Variants in CACNA2D2 observed in about 807,000 individuals in gnomAD.
CACNA2D2 encodes the protein calcium voltage-gated channel auxiliary subunit alpha2delta 2.
In CACNA2D2, 48 loss-of-function variants were observed where a neutral mutation model predicts 166.4. The observed-to-expected ratio is 0.29, with a 90% CI of 0.23 to 0.37. The LOEUF (loss-of-function observed/expected upper bound fraction) is 0.37, where lower values mean the gene tolerates loss of function less well. CACNA2D2 is among the 10% of genes least tolerant of loss of function. The pLI is 1.00. For missense variants in CACNA2D2, 1,122 were observed against 1,433.0 expected (o/e 0.78, Z 3.50); for synonymous variants, 561 against 573.7 (o/e 0.98, Z 0.32).
chr3:50,500,747 A>G (rs1381034286), intron 1 of CACNA2D2, among the ~76,000 whole-genome samples: 2 of 62,780 alleles, frequency 3.2e-5, no homozygotes, highest in Non-Finnish European at 6.1e-5. Context: ...AGACAGCCCA[A>G]CCCCCCCACC....
At position 50,434,325 on chromosome 3, in the gene CACNA2D2, C is replaced by A; in HGVS notation, c.393G>T (p.Val131=). The A allele has an allele frequency of 6.2e-7, 1 of 1,612,700 alleles. No homozygotes were observed. The highest frequency in any genetic ancestry group is 8.5e-7 in the Non-Finnish European group (1 of 1,178,704). Residue 131 remains valine (V), a synonymous_variant, in exon 3 of 38, where the codon GTG becomes GTT. Transcript: ENST00000424201. ...GDIESLLDRK[V]QALKRLADAA... ...AACACACACCTACCTTCAGGGCCTG[C>A]ACCTTCCTGTCCAGAAGGCTCTCAA...
At chr3:50,382,292 A>C (rs1238554682) in intron 6 of CACNA2D2, among the ~76,000 whole-genome samples, 1 of 152,092 alleles carries the variant, frequency 6.6e-6, no homozygotes, top group Non-Finnish European at 1.5e-5. Flanking sequence ...GAGCCCAGCC[A>C]CCGTCACCCC....
At chr3:50,371,923 C>T (rs1704672279) in intron 22 of CACNA2D2, among the ~76,000 whole-genome samples, 2 of 152,026 alleles carry the variant, frequency 1.3e-5, no homozygotes, top group African/African-American at 2.4e-5. Flanking sequence ...GAGTAGGGCA[C>T]ATCCCCCACC....
intron 1 of CACNA2D2, among the ~76,000 whole-genome samples, chr3:50,487,127 C>G (rs12494849): frequency 0.29 from 44,613 of 152,158 alleles, 9,286 homozygotes; most frequent in East Asian, 0.62. Flanking sequence ...TGCTGAACCA[C>G]AATCTGAACC....
chr3:50,442,176 G>C (rs1161571384), intron 2 of CACNA2D2, among the ~76,000 whole-genome samples: 1 of 152,200 alleles, frequency 6.6e-6, no homozygotes, highest in African/African-American at 2.4e-5. Context: ...GAGTGAGAAA[G>C]AATCAAATGA....
intron 3 of CACNA2D2, among the ~76,000 whole-genome samples, chr3:50,418,230 G>C (rs546068528): frequency 6.6e-6 from 1 of 152,284 alleles, no homozygotes; most frequent in African/African-American, 2.4e-5. Flanking sequence ...CACACAGTAG[G>C]TGCTCAACAT....
rs1458163781 is a variant in CACNA2D2 at position 50,367,633 on chromosome 3, G to A, written c.2297+9C>T. The A allele has an allele frequency of 1.9e-6, 3 of 1,611,432 alleles. No homozygotes were observed. Among genetic ancestry groups the A allele is most frequent in the Admixed American group, 1.7e-5 (1 of 59,956 alleles). ...GGGCAGGGTTTGGGTAGTGGGATAGGTCACTTACTTGTTGGGGAAGACTCG... is the reference window on the plus strand; with the variant it reads ...GGGCAGGGTTTGGGTAGTGGGATAGATCACTTACTTGTTGGGGAAGACTCG... On this transcript the variant is annotated intron_variant, in intron 26 of 37. Coordinates refer to ENST00000424201, the MANE Select transcript of CACNA2D2 (RefSeq NM_006030.4). The surrounding 1 kb of genome is among the most constrained non-coding windows in gnomAD (Gnocchi z 6.5).
intron 2 of CACNA2D2, among the ~76,000 whole-genome samples, chr3:50,440,728 C>A (rs1708550874): frequency 6.6e-6 from 1 of 152,114 alleles, no homozygotes; most frequent in Non-Finnish European, 1.5e-5. Context: ...TCCTTACATC[C>A]CCCTGGAACA....
chr3:50,429,391 G>A (rs74731849), intron 3 of CACNA2D2, among the ~76,000 whole-genome samples: 83 of 152,038 alleles, frequency 5.5e-4, no homozygotes, highest in African/African-American at 1.6e-3. Context: ...TTTCAGGTCC[G>A]GCACTTGGTG....
At chr3:50,418,499 G>T (rs1280019189) in intron 3 of CACNA2D2, among the ~76,000 whole-genome samples, 1 of 152,194 alleles carries the variant, frequency 6.6e-6, no homozygotes, top group Non-Finnish European at 1.5e-5. Flanking sequence ...TCTTGCCACA[G>T]GCCCACTCAA....
At chr3:50,435,134 G>GGTGTGTGTGTGTGT (rs58208345) in intron 2 of CACNA2D2, among the ~76,000 whole-genome samples, 23 of 149,694 alleles carry the variant, frequency 1.5e-4, no homozygotes, top group African/African-American at 5.7e-4. Flanking sequence ...TAAATCTGAG[G>GGTGTGTGTGTGTGT]GTGTGTGTGT....
rs180998823 is a variant in CACNA2D2 at position 50,401,995 on chromosome 3, G to A, written c.406-7827C>T. Among the ~76,000 whole-genome samples, 189 of 152,314 alleles carry A rather than the reference G, an allele frequency of 1.2e-3. 1 individual carries two copies. Among genetic ancestry groups the A allele is most frequent in the African/African-American group, 4.2e-3 (174 of 41,562 alleles). ...CCCAAAGTGCTGGGATTACAGTTGT[G>A]AGCCACTGCATCCGGCCAAAGTGGA... On this transcript the variant is annotated intron_variant, in intron 3 of 37. Coordinates refer to ENST00000424201, the MANE Select transcript of CACNA2D2 (RefSeq NM_006030.4).
chr3:50,503,590 G>C lies in CACNA2D2; in HGVS notation c.-167C>G, dbSNP rs1257096623. The stretch of plus-strand genomic sequence containing the variant: ...CTGCACGGGCCGCAGCGCCTCTGCG[G>C]GCTGCGCGCTGCTATCTCCCTGCAG... On this transcript the variant is annotated 5_prime_UTR_variant, in exon 1 of 38. Transcript: ENST00000424201. 1 of 166,326 alleles carries C rather than the reference G, an allele frequency of 6.0e-6. No individual in the cohort carries two copies. Among genetic ancestry groups the C allele is most frequent in the East Asian group, 1.8e-4 (1 of 5,698 alleles). The allele number at this position is 166,326 out of a possible 1,614,324, so 10.3% of individuals were successfully genotyped here. A position where few individuals can be genotyped will look rare whatever the true frequency, so the allele number is the denominator to read the frequency against.
chr3:50,491,052 CTTG>C (rs758049696), intron 1 of CACNA2D2, among the ~76,000 whole-genome samples: 34 of 152,326 alleles, frequency 2.2e-4, no homozygotes, highest in Admixed American at 4.6e-4. Context: ...CTTGCAGGTG[CTTG>C]TTAAGCCCCC....
chr3:50,394,590 G>T (rs1304001838), intron 3 of CACNA2D2, among the ~76,000 whole-genome samples: 1 of 152,172 alleles, frequency 6.6e-6, no homozygotes, highest in Non-Finnish European at 1.5e-5. Flanking sequence ...CCACAGGAGG[G>T]GCCCACAGCC....
chr3:50,380,162 C>T lies in CACNA2D2; in HGVS notation c.843-144G>A, dbSNP rs1333366277. ...AGGGTTCTATGCACCGATGATACCA[C>T]ATTTAACGAAACAGACACAGTCCTT... is the stretch of plus-strand genomic sequence containing the variant. On this transcript the variant is annotated intron_variant, in intron 8 of 37. Coordinates refer to ENST00000424201, the MANE Select transcript of CACNA2D2 (RefSeq NM_006030.4). This position sits in a 1 kb window ranked among gnomAD's most constrained non-coding sequence, Gnocchi z 4.9. The T allele has an allele frequency of 2.6e-6, 2 of 771,036 alleles. No individual in the cohort carries two copies. Among genetic ancestry groups the T allele is most frequent in the African/African-American group, 1.7e-5 (1 of 58,228 alleles). 47.8% of individuals were successfully genotyped at this position (771,036 alleles called of 1,614,324 possible).
chr3:50,394,202 AG>A, intron 3 of CACNA2D2, 34 bp from the exon 4 acceptor site: 1 of 1,599,748 alleles, frequency 6.3e-7, no homozygotes. Context: ...TCAGAAGCGG[AG>A]GAAGGCAGCC....
chr3:50,492,300 G>A (rs578190292), intron 1 of CACNA2D2, among the ~76,000 whole-genome samples: 6 of 152,346 alleles, frequency 3.9e-5, no homozygotes, highest in South Asian at 2.1e-4. Context: ...ATCTTCAGAC[G>A]TCATCTGAAC....
chr3:50,483,974 G>A (rs1698169085), intron 1 of CACNA2D2, among the ~76,000 whole-genome samples: 1 of 152,162 alleles, frequency 6.6e-6, no homozygotes, highest in Admixed American at 6.5e-5. Flanking sequence ...CCGTCAGGCC[G>A]CACATACCTC....
Sources: allele counts gnomAD v4.1 joint callset (sites outside exome capture counted in the v4.1 genomes callset), GRCh38; gene constraint gnomAD v4.1.1; non-coding constraint Gnocchi (gnomAD v3.1); transcripts MANE v1.5; gene names NCBI Gene and HGNC (gene_info 2026-07-23, HGNC 2026-07-21).